DNAH8: variants seen among roughly 807,000 people sequenced by gnomAD.
The protein encoded by DNAH8 is axonemal beta dynein heavy chain 8.
A neutral mutation model predicts 562.1 loss-of-function variants in DNAH8; 382 were observed. The observed-to-expected ratio is 0.68, with a 90% CI of 0.63 to 0.74. The LOEUF (loss-of-function observed/expected upper bound fraction) is 0.74. Ranked by LOEUF, DNAH8 falls within the 30% of genes least tolerant of loss-of-function variation. The pLI, the probability that DNAH8 is intolerant of heterozygous loss-of-function variation, is 0.00. For synonymous variants in DNAH8, 1,881 were observed against 1,919.4 expected, an observed-to-expected ratio of 0.98 and a Z score of 0.52; for missense variants, 5,203 against 5,620.4, an observed-to-expected ratio of 0.93 and a Z score of 2.37.
At chr6:38,836,790 T>C (rs1774341973) in intron 32 of DNAH8, among the ~76,000 whole-genome samples, 1 of 152,076 alleles carries the variant, frequency 6.6e-6, no homozygotes, top group African/African-American at 2.4e-5. Context: ...CAAATTTATT[T>C]TGGGGAGTTC....
intron 71 of DNAH8, among the ~76,000 whole-genome samples, chr6:38,922,322 G>T (rs1781773378): frequency 6.6e-6 from 1 of 151,838 alleles, no homozygotes; most frequent in Non-Finnish European, 1.5e-5. Context: ...GATTTCTGTG[G>T]TGTAAATACT....
At chr6:38,841,615 C>T (rs888986927) in intron 33 of DNAH8, among the ~76,000 whole-genome samples, 2 of 152,180 alleles carry the variant, frequency 1.3e-5, no homozygotes, top group Admixed American at 1.3e-4. Context: ...GGAGAATCCA[C>T]AAATTCTGTT....
At chr6:38,856,655 G>A (rs1010427970) in intron 41 of DNAH8, among the ~76,000 whole-genome samples, 10 of 152,100 alleles carry the variant, frequency 6.6e-5, no homozygotes, top group South Asian at 2.1e-4. Flanking sequence ...CAGCCCTCAG[G>A]ATTGGCCACT....
chr6:39,016,067 T>C (rs1766545596), intron 91 of DNAH8, among the ~76,000 whole-genome samples: 1 of 152,218 alleles, frequency 6.6e-6, no homozygotes, highest in Non-Finnish European at 1.5e-5. Flanking sequence ...ACTCCATACA[T>C]GTTCCCAGGG....
At position 38,801,633 on chromosome 6, in the gene DNAH8, T is replaced by C. The variant is rs369048432; in HGVS notation, c.2902-1546T>C. On this transcript the variant is annotated intron_variant, in intron 21 of 92. Transcript: ENST00000327475. ...CAGCCTCCGTTACCATTCCAGTGTT[T>C]AGCACTGCATTGAATAAATTGAAAA... Among the ~76,000 whole-genome samples, 62 of 152,336 alleles carry C rather than the reference T, an allele frequency of 4.1e-4. 1 individual carries two copies. In the South Asian group the frequency reaches 0.012, roughly 29 times the overall value.
intron 17 of DNAH8, among the ~76,000 whole-genome samples, chr6:38,783,631 G>A (rs1055390700): frequency 6.6e-6 from 1 of 152,098 alleles, no homozygotes; most frequent in African/African-American, 2.4e-5. Flanking sequence ...CACTGTGTCT[G>A]CGTGCCTCTG....
At chr6:38,859,194 C>T (rs1373218077) in intron 42 of DNAH8, among the ~76,000 whole-genome samples, 2 of 152,214 alleles carry the variant, frequency 1.3e-5, no homozygotes, top group Admixed American at 6.5e-5. Context: ...CCACCTCCTC[C>T]TTACCATCTT....
intron 3 of DNAH8, among the ~76,000 whole-genome samples, chr6:38,728,995 C>T (rs1223295664): frequency 6.6e-6 from 1 of 152,054 alleles, no homozygotes; most frequent in African/African-American, 2.4e-5. Context: ...CACTTGAGGT[C>T]AGTTCAAGAC....
intron 62 of DNAH8, among the ~76,000 whole-genome samples, chr6:38,905,400 G>A (rs1780373761): frequency 6.6e-6 from 1 of 152,138 alleles, no homozygotes; most frequent in Non-Finnish European, 1.5e-5. Flanking sequence ...ATAATTTGTA[G>A]CCATCTAACA....
rs1473878669 is a variant in DNAH8, at chr6:38,922,068, T to G, written c.10662+562T>G. Among the ~76,000 whole-genome samples the G allele has an allele frequency of 2.2e-4, 15 of 67,252 alleles. No individual in the cohort carries two copies. In the Admixed American group the frequency reaches 2.3e-3, roughly 10 times the overall value. The allele number at this position is 67,252 out of a possible 152,430, so 44.1% of individuals were successfully genotyped here. A position where few individuals can be genotyped will look rare whatever the true frequency, so the allele number is the denominator to read the frequency against. On this transcript the variant is annotated intron_variant, in intron 71 of 92. Transcript: ENST00000327475. Reference sequence around the variant, plus strand: ...GAACAGGCCATTTTCACTTCTTTTGTGGTGGAATGTCATCAGTTAAGGCAG... The same window carrying G: ...GAACAGGCCATTTTCACTTCTTTTGGGGTGGAATGTCATCAGTTAAGGCAG...
intron 89 of DNAH8, among the ~76,000 whole-genome samples, chr6:39,010,888 C>T (rs1766171021): frequency 6.6e-6 from 1 of 151,564 alleles, no homozygotes; most frequent in Admixed American, 6.6e-5. Context: ...GCTGTTCAGC[C>T]ACTGGAGGTT....
rs1781696461 is a variant in DNAH8 at position 38,921,409 on chromosome 6, A to G, written c.10565A>G (p.Asn3522Ser). ...AKQEGRLAVA[N>S]AELGKAQALL... ...CAGGAAGGCCGGTTAGCAGTTGCTA[A>G]TGCTGAGTTAGGGAAGGCACAAGCC... The change falls in exon 71 of 93, where the codon AAT becomes AGT. Residue 3522 changes from asparagine (N) to serine (S), a missense_variant. Transcript: ENST00000327475. The G allele has an allele frequency of 1.9e-6, 3 of 1,613,726 alleles. No individual in the cohort carries two copies. The highest frequency in any genetic ancestry group is 2.5e-6 in the Non-Finnish European group (3 of 1,179,886).
chr6:38,909,397 C>T, intron 64 of DNAH8, 121 bp from the exon 65 acceptor site: 1 of 820,534 alleles, frequency 1.2e-6, no homozygotes. Flanking sequence ...TGACTGCAGC[C>T]CAAGAAGATT....
intron 17 of DNAH8, among the ~76,000 whole-genome samples, chr6:38,783,793 A>C (rs1485943332): frequency 6.6e-6 from 1 of 152,144 alleles, no homozygotes; most frequent in Non-Finnish European, 1.5e-5. Flanking sequence ...TCTTAACCTT[A>C]AACTCTTAGT....
chr6:38,874,122 T>C (rs1447392279), intron 52 of DNAH8, among the ~76,000 whole-genome samples: 2 of 67,466 alleles, frequency 3.0e-5, no homozygotes, highest in Non-Finnish European at 6.3e-5. Flanking sequence ...CCTTCCTCCT[T>C]CTCTCTTTCT....
At chr6:38,957,558 G>A (rs1762325305) in intron 82 of DNAH8, among the ~76,000 whole-genome samples, 1 of 151,304 alleles carries the variant, frequency 6.6e-6, no homozygotes, top group Non-Finnish European at 1.5e-5. Context: ...GAACATTCTT[G>A]AGGATAGATC....
Position 38,814,102 on chromosome 6 carries a change from T to C in DNAH8, c.3306T>C (p.Ser1102=). 6.3e-7 allele frequency: 1 copy of C among 1,581,504 alleles called. No individual in the cohort carries two copies. Among genetic ancestry groups the C allele is most frequent in the South Asian group, 1.1e-5 (1 of 89,504 alleles). Residue 1102 remains serine, a synonymous_variant, in exon 25 of 93, where the codon AGT becomes AGC. Coordinates refer to ENST00000327475, the MANE Select transcript of DNAH8 (RefSeq NM_001206927.2). ...AAGATATTATTTCCTTTATAAAAAG[T>C]GAAGTACATCTTGCAATTCCTAATG... ...QSEDIISFIK[S]EVHLAIPNVV... is the part of the protein sequence containing the mutation.
At chr6:38,776,033 A>G (rs1768030309) in intron 13 of DNAH8, 82 bp downstream of exon 13, 1 of 839,848 alleles carries the variant, frequency 1.2e-6, no homozygotes, top group Non-Finnish European at 2.0e-6. Context: ...AAATATTCAC[A>G]TGTAGTAAGT....
chr6:38,793,340 G>A (rs1030536477), intron 21 of DNAH8, among the ~76,000 whole-genome samples: 1 of 151,996 alleles, frequency 6.6e-6, no homozygotes, highest in Non-Finnish European at 1.5e-5. Flanking sequence ...TTAACATCCT[G>A]TTCTTGGTGT....
Sources: allele counts gnomAD v4.1 joint callset (sites outside exome capture counted in the v4.1 genomes callset), GRCh38; gene constraint gnomAD v4.1.1; transcripts MANE v1.5; gene names NCBI Gene and HGNC (gene_info 2026-07-23, HGNC 2026-07-21).